The following SLC24A1 variants were observed in gnomAD, a reference collection of about 807,000 sequenced individuals.
SLC24A1 encodes sodium/potassium/calcium exchanger 1.
Under a neutral mutation model 88.1 loss-of-function variants are expected in SLC24A1, and 52 were observed. That is an observed-to-expected ratio of 0.59 (90% CI 0.47 to 0.74). The LOEUF is 0.74. SLC24A1 is among the 30% of genes least tolerant of loss of function. SLC24A1 has a pLI of 0.00. For missense variants in SLC24A1, 1,173 were observed against 1,363.3 expected (o/e 0.86, Z 2.20); for synonymous variants, 455 against 498.0 (o/e 0.91, Z 1.15).
At chr15:65,639,812 G>GGGA in intron 4 of SLC24A1, 109 bp downstream of exon 4, 1 of 756,704 alleles carries the variant, frequency 1.3e-6, no homozygotes, top group Non-Finnish European at 2.4e-6. Flanking sequence ...AGGAGGGAGT[G>GGGA]GGAAGAGATA....
rs774208027 is a variant in SLC24A1, at chr15:65,653,821, A to G, written c.3051-9A>G. On this transcript the variant is annotated splice_polypyrimidine_tract_variant and intron_variant, in intron 9 of 9. Coordinates refer to ENST00000261892, the MANE Select transcript of SLC24A1 (RefSeq NM_004727.3). ...TAAGGATATTCACATCGTTTCTTCA[A>G]TCTTGCAGCTTGCCTGTTCCTTGGT... 3.7e-5 allele frequency: 59 copies of G among 1,613,118 alleles called. No individual in the cohort carries two copies. The highest frequency in any genetic ancestry group is 6.7e-5 in the Admixed American group (4 of 59,916).
chr15:65,620,077 A>G (rs927741609), upstream of SLC24A1, among the ~76,000 whole-genome samples: 3 of 149,744 alleles, frequency 2.0e-5, no homozygotes, highest in African/African-American at 7.3e-5. Context: ...TATAAAATGT[A>G]TTTAATAAAT....
chr15:65,630,549 C>T (rs1049150502), intron 2 of SLC24A1, among the ~76,000 whole-genome samples: 2 of 152,186 alleles, frequency 1.3e-5, no homozygotes, highest in African/African-American at 4.8e-5. Context: ...TGCCAAAGGG[C>T]CCACTGTAGC....
chr15:65,660,055 C>A (rs138437035), downstream of SLC24A1: 14 of 458,908 alleles, frequency 3.1e-5, no homozygotes, highest in African/African-American at 1.2e-4. Context: ...AAGCCTCCCC[C>A]CTCTGAAATG....
chr15:65,649,476 A>G (rs1385854612), intron 6 of SLC24A1, among the ~76,000 whole-genome samples: 12 of 152,304 alleles, frequency 7.9e-5, no homozygotes. Flanking sequence ...TTTACCTGGT[A>G]TTGATTGGTA....
upstream of SLC24A1, among the ~76,000 whole-genome samples, chr15:65,621,779 G>C (rs1011221082): frequency 6.6e-5 from 10 of 152,178 alleles, no homozygotes; most frequent in African/African-American, 1.9e-4. Context: ...TTGACTTTGT[G>C]GGCCCACAGT....
chr15:65,649,158 C>T (rs2075410507), intron 6 of SLC24A1, among the ~76,000 whole-genome samples: 1 of 151,996 alleles, frequency 6.6e-6, no homozygotes, highest in African/African-American at 2.4e-5. Flanking sequence ...GGCTGGAGTG[C>T]GTGACACAAT....
chr15:65,648,360 A>G (rs1402644929), intron 6 of SLC24A1, among the ~76,000 whole-genome samples: 1 of 152,210 alleles, frequency 6.6e-6, no homozygotes, highest in Non-Finnish European at 1.5e-5. Flanking sequence ...TTTGTTACAG[A>G]CAACATATTT....
intron 2 of SLC24A1, among the ~76,000 whole-genome samples, chr15:65,632,758 G>A (rs1450036950): frequency 6.6e-6 from 1 of 152,190 alleles, no homozygotes; most frequent in Non-Finnish European, 1.5e-5. Context: ...TAGTCTAATG[G>A]AAGAGGTGGA....
intron 2 of SLC24A1, 65 bp downstream of exon 2, chr15:65,626,035 A>T: frequency 8.4e-7 from 1 of 1,191,730 alleles, no homozygotes; most frequent in Non-Finnish European, 1.3e-6. Context: ...CGAAGCCAGG[A>T]CCTGAAGAGA....
intron 3 of SLC24A1, among the ~76,000 whole-genome samples, chr15:65,638,721 C>T (rs1000887305): frequency 1.3e-5 from 2 of 152,060 alleles, no homozygotes; most frequent in African/African-American, 4.8e-5. Flanking sequence ...CCTAAAGAAC[C>T]TCCCCCATCC....
In SLC24A1 at chr15:65,644,430, G is replaced by C. The variant is rs538479361; in HGVS notation, c.2057G>C (p.Arg686Pro). Reference sequence around the variant, plus strand: ...GTATGTCCTGTCTCATTTGCAGTTCGCCTTGCCAAGGAGAAGGAGGAGGAG... The same window carrying C: ...GTATGTCCTGTCTCATTTGCAGTTCCCCTTGCCAAGGAGAAGGAGGAGGAG... The part of the protein sequence containing the change: ...LHSLDPLREV[R>P]LAKEKEEESL... Residue 686 changes from arginine (R) to proline (P), a missense_variant, in exon 5 of 10, where the codon CGC becomes CCC. Physicochemically the swap from Arg to Pro is moderately radical, Grantham distance 103. Transcript: ENST00000261892. 2.5e-6 allele frequency: 4 copies of C among 1,585,990 alleles called. No individual in the cohort carries two copies. In the South Asian group the frequency reaches 4.6e-5, roughly 18 times the overall value.
In SLC24A1 at chr15:65,654,221, G is replaced by GA. The variant is rs2141740395; in HGVS notation, c.*143dup. The stretch of plus-strand genomic sequence containing the variant: ...AGGACCTCTGATATGAATGTGATCT[G>GA]AGACTAAAGTTTGTCCTTGGAAACA... On this transcript the variant is annotated 3_prime_UTR_variant, in exon 10 of 10. Transcript: ENST00000261892. 1.4e-6 allele frequency: 2 copies of GA among 1,440,902 alleles called. No individual in the cohort carries two copies. The highest frequency in any genetic ancestry group is 3.2e-5 in the South Asian group (2 of 63,238). The allele number at this position is 1,440,902 out of a possible 1,614,324, so 89.3% of individuals were successfully genotyped here. A position where few individuals can be genotyped will look rare whatever the true frequency, so the allele number is the denominator to read the frequency against.
Position 65,624,743 on chromosome 15 carries a change from A to G in SLC24A1, c.663A>G (p.Lys221=). The G allele has an allele frequency of 6.2e-7, 1 of 1,613,458 alleles. No homozygotes were observed. The highest frequency in any genetic ancestry group is 1.1e-5 in the South Asian group (1 of 91,020). The change falls in exon 2 of 10, where the codon AAA becomes AAG. Residue 221 remains lysine (K), a synonymous_variant. Coordinates refer to ENST00000261892, the MANE Select transcript of SLC24A1 (RefSeq NM_004727.3). ...SHAITPRTTV[K]DSDITATYKI... ...CGATCACCCCCAGGACAACAGTGAA[A>G]GACAGTGACATTACAGCAACCTATA...
intron 3 of SLC24A1, among the ~76,000 whole-genome samples, chr15:65,638,859 G>A (rs1255115801): frequency 6.6e-6 from 1 of 152,028 alleles, no homozygotes; most frequent in Non-Finnish European, 1.5e-5. Flanking sequence ...GACTCCGCAA[G>A]TGTGGAAGCG....
At chr15:65,644,572 G>C in intron 5 of SLC24A1, 59 bp downstream of exon 5, 1 of 1,276,712 alleles carries the variant, frequency 7.8e-7, no homozygotes, top group Non-Finnish European at 1.1e-6. Flanking sequence ...GCTGTCAGTA[G>C]TGAGCTTGGC....
At chr15:65,627,334 G>A (rs2074553763) in intron 2 of SLC24A1, among the ~76,000 whole-genome samples, 1 of 152,194 alleles carries the variant, frequency 6.6e-6, no homozygotes, top group African/African-American at 2.4e-5. Flanking sequence ...CTGTGTCCAA[G>A]TGAGTTCAGT....
rs201525281 is a variant in SLC24A1, at chr15:65,624,509, C to T, written c.429C>T (p.Asp143=). The T allele has an allele frequency of 1.9e-6, 3 of 1,605,310 alleles. No homozygotes were observed. Among genetic ancestry groups the T allele is most frequent in the East Asian group, 2.2e-5 (1 of 44,584 alleles). The change falls in exon 2 of 10, where the codon GAC becomes GAT. Residue 143 remains aspartate (D), a synonymous_variant. Coordinates refer to ENST00000261892, the MANE Select transcript of SLC24A1 (RefSeq NM_004727.3). ...TAAGTERRKE[D]TPTSSRTLTY... is the part of the protein sequence containing the mutation. ...CAGGTACAGAAAGAAGGAAGGAAGACACCCCAACATCCAGTAGAACACTGA... is the reference window on the plus strand; with the variant it reads ...CAGGTACAGAAAGAAGGAAGGAAGATACCCCAACATCCAGTAGAACACTGA...
chr15:65,660,091 T>C (rs1596369243), downstream of SLC24A1: 2 of 498,518 alleles, frequency 4.0e-6, no homozygotes, highest in African/African-American at 1.9e-5. Context: ...AACTTTCAAA[T>C]GATTTAAAGA....
Sources: gnomAD v4.1 joint callset for allele counts (sites outside exome capture counted in the v4.1 genomes callset) on GRCh38, gnomAD v4.1.1 for gene constraint, MANE v1.5 for transcripts, NCBI Gene and HGNC (gene_info 2026-07-23, HGNC 2026-07-21) for gene names.